Variants in NOL11 observed in about 807,000 individuals in gnomAD.
NOL11 encodes the protein nucleolar protein 11.
A neutral mutation model predicts 93.0 loss-of-function variants in NOL11; 42 were observed. The ratio of observed to expected loss-of-function variants is 0.45; its 90% confidence interval spans 0.35 to 0.58. The LOEUF (loss-of-function observed/expected upper bound fraction) is 0.58. Ranked by LOEUF, NOL11 falls within the 20% of genes least tolerant of loss-of-function variation. NOL11 has a pLI of 0.00. For missense variants in NOL11, 775 were observed against 841.8 expected (o/e 0.92, Z 0.98); for synonymous variants, 296 against 293.7 (o/e 1.01, Z -0.08).
chr17:67,743,507 A>G lies in NOL11; in HGVS notation c.1964A>G (p.Asp655Gly). 1 of 1,581,610 alleles carries G rather than the reference A, an allele frequency of 6.3e-7. No individual in the cohort carries two copies. Among genetic ancestry groups the G allele is most frequent in the African/African-American group, 1.3e-5 (1 of 74,516 alleles). Residue 655 changes from aspartate (D) to glycine (G), a missense_variant, in exon 17 of 18, where the codon GAT becomes GGT. Around this residue, in one of 2 missense-constraint regions of NOL11, gnomAD observed 416 missense variants for 525.2 expected, o/e 0.79. Transcript: ENST00000253247. The part of the protein sequence containing the change: ...QIMDWICLLL[D>G]ANFTVVVMMP... ...ATGGATTGGATATGTCTACTTCTGG[A>G]TGCAAATTTTACTGTTGTTGTAATG...
Position 67,721,753 on chromosome 17 carries a change from A to G in NOL11, c.461+227A>G, listed in dbSNP as rs78253873. Among the ~76,000 whole-genome samples, 1,162 of 152,328 alleles carry G rather than the reference A, an allele frequency of 7.6e-3. 14 individuals carry two copies. The highest frequency in any genetic ancestry group is 0.026 in the African/African-American group (1,096 of 41,574). ...ACAGAACTGGATACTTAGTTATTTG[A>G]GGATGAAATGTGTTATCCCAAAAGA... On this transcript the variant is annotated intron_variant, in intron 4 of 17. Coordinates refer to ENST00000253247, the MANE Select transcript of NOL11 (RefSeq NM_015462.5).
chr17:67,722,584 A>G lies in NOL11; in HGVS notation c.466A>G (p.Thr156Ala). 2 of 1,570,770 alleles carry G rather than the reference A, an allele frequency of 1.3e-6. No homozygotes were observed. Among genetic ancestry groups the G allele is most frequent in the East Asian group, 2.4e-5 (1 of 42,300 alleles). The change falls in exon 5 of 18, where the codon ACA becomes GCA. Residue 156 changes from threonine (T) to alanine (A), a missense_variant. Thr to Ala is a moderately conservative substitution (Grantham distance 58). Around this residue, in one of 2 missense-constraint regions of NOL11, gnomAD observed 359 missense variants for 316.5 expected, o/e 1.13. Transcript: ENST00000253247. ...VISDEEVIKW[T>A]KFFVVFRHPV... Reference sequence around the variant, plus strand: ...TTCTTTTTTCTTTTTTTGTAGATGGACAAAGTTTTTCGTAGTATTCAGACA... The same window carrying G: ...TTCTTTTTTCTTTTTTTGTAGATGGGCAAAGTTTTTCGTAGTATTCAGACA...
chr17:67,738,849 A>G (rs1411913930), intron 14 of NOL11, 83 bp from the exon 15 acceptor site: 5 of 843,382 alleles, frequency 5.9e-6, no homozygotes, highest in Non-Finnish European at 9.7e-6. Flanking sequence ...AATTTAGAAA[A>G]CTAACATTGA....
chr17:67,743,710 T>C, intron 17 of NOL11, 33 bp from the exon 18 acceptor site: 1 of 1,285,894 alleles, frequency 7.8e-7, no homozygotes, highest in Non-Finnish European at 1.1e-6. Flanking sequence ...GTAGACATTA[T>C]GGTAAAAGTT....
intron 5 of NOL11, among the ~76,000 whole-genome samples, chr17:67,723,622 T>C (rs1022306152): frequency 2.0e-5 from 3 of 151,424 alleles, no homozygotes; most frequent in Non-Finnish European, 4.4e-5. Context: ...CTCCTGACCT[T>C]GTGATCCACC....
chr17:67,742,886 G>A (rs980004501), intron 16 of NOL11, among the ~76,000 whole-genome samples: 33 of 152,168 alleles, frequency 2.2e-4, no homozygotes, highest in Non-Finnish European at 5.9e-5. Flanking sequence ...TAGAAGATGA[G>A]TGGTTATTTT....
chr17:67,734,753 G>GT lies in NOL11; in HGVS notation c.930+315dup, dbSNP rs546287848. ...CCCAGGAGTTCAAGGCTTCAGTGCT[G>GT]TATGATTGTGCCTGTGAAGAGCTGC... is the stretch of plus-strand genomic sequence containing the variant. On this transcript the variant is annotated intron_variant, in intron 8 of 17. Coordinates refer to ENST00000253247, the MANE Select transcript of NOL11 (RefSeq NM_015462.5). Among the ~76,000 whole-genome samples, 16 of 152,298 alleles carry GT rather than the reference G, an allele frequency of 1.1e-4. 1 individual carries two copies. The South Asian group carries it at 3.1e-3, about 30-fold the overall frequency.
chr17:67,718,853 A>G (rs1000779525), intron 1 of NOL11, among the ~76,000 whole-genome samples: 1 of 152,032 alleles, frequency 6.6e-6, no homozygotes, highest in Admixed American at 6.5e-5. Flanking sequence ...TGCTAACTCT[A>G]TTGGGTTTCA....
At chr17:67,718,212 C>A in intron 1 of NOL11, 124 bp downstream of exon 1, 7 of 1,354,810 alleles carry the variant, frequency 5.2e-6, no homozygotes, top group Non-Finnish European at 7.1e-6. Context: ...AGAGAGCCGG[C>A]TGGGCCTGTT....
rs1203413317 is a variant in NOL11 at position 67,737,054 on chromosome 17, A to G, written c.1144-17A>G. 18 of 1,523,226 alleles carry G rather than the reference A, an allele frequency of 1.2e-5. No homozygotes were observed. The highest frequency in any genetic ancestry group is 1.6e-5 in the Non-Finnish European group (18 of 1,098,060). 94.4% of individuals were successfully genotyped at this position (1,523,226 alleles called of 1,614,324 possible). On this transcript the variant is annotated splice_polypyrimidine_tract_variant and intron_variant, in intron 10 of 17. Coordinates refer to ENST00000253247, the MANE Select transcript of NOL11 (RefSeq NM_015462.5). ...CTTATATTGTTTTGTGATCCTAATC[A>G]ATTTACTTAATTCCAGTTAAGGAGA...
rs146930593 is a variant in NOL11 at position 67,737,792 on chromosome 17, C to G, written c.1404-55C>G. The G allele has an allele frequency of 2.0e-4, 314 of 1,584,780 alleles. No individual in the cohort carries two copies. The African/African-American group carries it at 4.0e-3, about 20-fold the overall frequency. ...AACTCTCAAAAGGCTTATAAATGTTCTGCAGTTGAGAATTTTCTTAATATG... is the reference window on the plus strand; with the variant it reads ...AACTCTCAAAAGGCTTATAAATGTTGTGCAGTTGAGAATTTTCTTAATATG... On this transcript the variant is annotated intron_variant, in intron 12 of 17. Transcript: ENST00000253247.
At chr17:67,729,940 T>C (rs747689807) in intron 7 of NOL11, among the ~76,000 whole-genome samples, 2 of 152,088 alleles carry the variant, frequency 1.3e-5, no homozygotes, top group Non-Finnish European at 2.9e-5. Flanking sequence ...TTTTTGTTTT[T>C]ATATTTAGTT....
At position 67,738,119 on chromosome 17, in the gene NOL11, T is replaced by C; in HGVS notation, c.1530-3T>C. On this transcript the variant is annotated splice_polypyrimidine_tract_variant and splice_region_variant and intron_variant, in intron 13 of 17. Coordinates refer to ENST00000253247, the MANE Select transcript of NOL11 (RefSeq NM_015462.5). ...AACCTCTTGCTTTCAACTACCATCA[T>C]AGCATTGGTGATGACAGTCTTCAAG... The C allele has an allele frequency of 6.3e-7, 1 of 1,597,928 alleles. No individual in the cohort carries two copies. The highest frequency in any genetic ancestry group is 8.6e-7 in the Non-Finnish European group (1 of 1,166,912).
In NOL11 at chr17:67,738,154, T is replaced by G; in HGVS notation, c.1562T>G (p.Val521Gly). The stretch of plus-strand genomic sequence containing the variant: ...GATGACAGTCTTCAAGAAACAGATG[T>G]TAATATGGAGTCAGTTTTTGACTAT... Reference protein sequence around the residue: ...IGDDSLQETDVNMESVFDYSI... With the variant: ...IGDDSLQETDGNMESVFDYSI... Residue 521 changes from valine to glycine, a missense_variant, in exon 14 of 18, where the codon GTT (valine) becomes GGT (glycine). Val to Gly is a moderately radical substitution (Grantham distance 109). This residue lies in a region of NOL11 where 416 missense variants were observed against 525.2 expected (regional missense o/e 0.79). Coordinates refer to ENST00000253247, the MANE Select transcript of NOL11 (RefSeq NM_015462.5). The G allele has an allele frequency of 6.2e-7, 1 of 1,612,222 alleles. No individual in the cohort carries two copies. Among genetic ancestry groups the G allele is most frequent in the Non-Finnish European group, 8.5e-7 (1 of 1,178,836 alleles).
chr17:67,730,177 C>G (rs2055139303), intron 7 of NOL11, among the ~76,000 whole-genome samples: 1 of 152,140 alleles, frequency 6.6e-6, no homozygotes, highest in South Asian at 2.1e-4. Flanking sequence ...TTAGCTATTT[C>G]CACCTTTTGG....
chr17:67,741,270 G>A (rs545078383), intron 16 of NOL11, among the ~76,000 whole-genome samples: 18 of 152,112 alleles, frequency 1.2e-4, no homozygotes, highest in South Asian at 4.2e-4. Flanking sequence ...GGGTTTTACC[G>A]TATTGACCAG....
rs183491114 is a variant in NOL11 at position 67,743,800 on chromosome 17, T to C, written c.2101T>C (p.Leu701=). Residue 701 remains leucine, a synonymous_variant, in exon 18 of 18, where the codon TTA becomes CTA. Coordinates refer to ENST00000253247, the MANE Select transcript of NOL11 (RefSeq NM_015462.5). ...IEVSFRELQK[L]NQEKNNRGLY... ...AGTAAGTTTTCGGGAGCTACAGAAATTAAATCAAGAAAAGAATAATAGAGG... is the reference window on the plus strand; with the variant it reads ...AGTAAGTTTTCGGGAGCTACAGAAACTAAATCAAGAAAAGAATAATAGAGG... The C allele has an allele frequency of 5.0e-5, 78 of 1,553,966 alleles. No homozygotes were observed. The highest frequency in any genetic ancestry group is 3.5e-6 in the Non-Finnish European group (4 of 1,156,580).
rs202138309 is a variant in NOL11, at chr17:67,743,087, TA to T, written c.1936-387del. Among the ~76,000 whole-genome samples the T allele has an allele frequency of 2.0e-5, 3 of 152,102 alleles. No individual in the cohort carries two copies. The East Asian group carries it at 5.8e-4, about 29-fold the overall frequency. Reference sequence around the variant, plus strand: ...GAAACCCCATCTCTACAAAAATTGCTAAAAAGTAGCTGGGTATGATGGTGCA... The same window carrying T: ...GAAACCCCATCTCTACAAAAATTGCTAAAAGTAGCTGGGTATGATGGTGCA... On this transcript the variant is annotated intron_variant, in intron 16 of 17. Coordinates refer to ENST00000253247, the MANE Select transcript of NOL11 (RefSeq NM_015462.5).
chr17:67,719,870 A>G (rs778544201), intron 2 of NOL11, 36 bp from the exon 3 acceptor site: 1 of 1,530,946 alleles, frequency 6.5e-7, no homozygotes, highest in Non-Finnish European at 8.9e-7. Flanking sequence ...TAAATGGAGA[A>G]TAGGATAGTT....
Sources: allele counts gnomAD v4.1 joint callset (sites outside exome capture counted in the v4.1 genomes callset), GRCh38; gene constraint gnomAD v4.1.1; regional missense constraint gnomAD v4.1.1; transcripts MANE v1.5; gene names NCBI Gene and HGNC (gene_info 2026-07-23, HGNC 2026-07-21).